The following GNG7 variants were observed in gnomAD, a reference collection of about 807,000 sequenced individuals.
The protein encoded by GNG7 is guanine nucleotide-binding protein G(I)/G(S)/G(O) subunit gamma-7.
In GNG7, 1 loss-of-function variant was observed where a neutral mutation model predicts 4.0. That is an observed-to-expected ratio of 0.25 (90% CI 0.09 to 1.18). The LOEUF (loss-of-function observed/expected upper bound fraction) is 1.18. Ranked by LOEUF, GNG7 falls within the 50% of genes most tolerant of loss-of-function variation. The pLI is 0.50. For missense variants in GNG7, 86 were observed against 91.9 expected (o/e 0.94, Z 0.26); for synonymous variants, 34 against 36.9 (o/e 0.92, Z 0.29).
intron 2 of GNG7, among the ~76,000 whole-genome samples, chr19:2,586,256 T>C (rs994143968): frequency 7.9e-5 from 12 of 152,282 alleles, no homozygotes; most frequent in African/African-American, 2.9e-4. Flanking sequence ...CCTCCAGCTT[T>C]GCCCGCCCCA....
At chr19:2,600,002 A>T (rs926775280) in intron 2 of GNG7, among the ~76,000 whole-genome samples, 4 of 152,060 alleles carry the variant, frequency 2.6e-5, no homozygotes, top group Non-Finnish European at 5.9e-5. Flanking sequence ...AAACCACTGA[A>T]TTGTACACTT....
chr19:2,514,875 G>A lies in GNG7; in HGVS notation c.*147C>T. 1.5e-6 allele frequency: 1 copy of A among 663,648 alleles called. No individual in the cohort carries two copies. The highest frequency in any genetic ancestry group is 2.5e-6 in the Non-Finnish European group (1 of 396,292). The allele number at this position is 663,648 out of a possible 1,614,324, so 41.1% of individuals were successfully genotyped here. A position where few individuals can be genotyped will look rare whatever the true frequency, so the allele number is the denominator to read the frequency against. On this transcript the variant is annotated 3_prime_UTR_variant, in exon 5 of 5. Transcript: ENST00000382159. ...AACGCCTTTTTTGGCGGGGAGAGGGGGGATTTCTTTTGGAATTAAAGGTTT... is the reference window on the plus strand; with the variant it reads ...AACGCCTTTTTTGGCGGGGAGAGGGAGGATTTCTTTTGGAATTAAAGGTTT...
intron 2 of GNG7, among the ~76,000 whole-genome samples, chr19:2,568,160 CATACAT>C (rs1452719342): frequency 7.3e-6 from 1 of 137,142 alleles, no homozygotes; most frequent in African/African-American, 3.5e-5. Context: ...CACACATACA[CATACAT>C]ACACACACAT....
chr19:2,579,534 T>C (rs1251149329), intron 2 of GNG7, among the ~76,000 whole-genome samples: 6 of 152,182 alleles, frequency 3.9e-5, no homozygotes, highest in Non-Finnish European at 8.8e-5. Flanking sequence ...CCTTGAGCGT[T>C]TTCCTCTGAG....
chr19:2,579,986 C>A (rs1980454825), intron 2 of GNG7, among the ~76,000 whole-genome samples: 1 of 152,148 alleles, frequency 6.6e-6, no homozygotes, highest in African/African-American at 2.4e-5. Context: ...TGTCTCTCAG[C>A]TTGTGTCCTC....
At chr19:2,691,505 C>T (rs1403300429) in intron 1 of GNG7, among the ~76,000 whole-genome samples, 1 of 151,770 alleles carries the variant, frequency 6.6e-6, no homozygotes, top group Non-Finnish European at 1.5e-5. Flanking sequence ...GATTGCATCA[C>T]TACACTCCGG....
chr19:2,607,620 G>C (rs568382334), intron 2 of GNG7, among the ~76,000 whole-genome samples: 1 of 150,756 alleles, frequency 6.6e-6, no homozygotes, highest in Non-Finnish European at 1.5e-5. Flanking sequence ...TACATATTAG[G>C]ATGGGGCAAG....
chr19:2,654,119 C>T (rs1034669162), intron 1 of GNG7, among the ~76,000 whole-genome samples: 8 of 151,996 alleles, frequency 5.3e-5, no homozygotes, highest in African/African-American at 1.9e-4. Flanking sequence ...GGTCTCCATG[C>T]AGAGGAAGGT....
At chr19:2,656,752 CTA>C (rs1982986137) in intron 1 of GNG7, among the ~76,000 whole-genome samples, 2 of 152,190 alleles carry the variant, frequency 1.3e-5, no homozygotes, top group South Asian at 4.1e-4. Flanking sequence ...TTCTGGGCTC[CTA>C]CAGCACAGCT....
At chr19:2,595,875 C>T (rs996158089) in intron 2 of GNG7, among the ~76,000 whole-genome samples, 5 of 152,020 alleles carry the variant, frequency 3.3e-5, no homozygotes, top group Non-Finnish European at 4.4e-5. Context: ...AGTGGTTAGA[C>T]GACAATGACC....
intron 3 of GNG7, among the ~76,000 whole-genome samples, chr19:2,551,049 G>C (rs1427506617): frequency 1.3e-5 from 2 of 152,166 alleles, no homozygotes; most frequent in Non-Finnish European, 2.9e-5. Flanking sequence ...ACGGCACGTG[G>C]CCACATGGCT....
chr19:2,573,860 T>C (rs944658994), intron 2 of GNG7, among the ~76,000 whole-genome samples: 3 of 151,924 alleles, frequency 2.0e-5, no homozygotes, highest in Non-Finnish European at 2.9e-5. Flanking sequence ...AAACAAACAA[T>C]AAAAGTGGGA....
Position 2,692,371 on chromosome 19 carries a change from C to T in GNG7, c.-135+10275G>A, listed in dbSNP as rs545817301. 7.2e-5 allele frequency among the ~76,000 whole-genome samples: 11 copies of T among 152,020 alleles called. 2 individuals carry two copies. Among genetic ancestry groups the T allele is most frequent in the African/African-American group, 2.7e-4 (11 of 41,398 alleles). ...CCAGGGGAGGCCGGGCGCGGTGGCT[C>T]ACGCCTGTAATCCCAGCACTTTGGG... On this transcript the variant is annotated intron_variant, in intron 1 of 4. Transcript: ENST00000382159.
chr19:2,567,595 G>A (rs1599395267), intron 2 of GNG7, among the ~76,000 whole-genome samples: 1 of 152,106 alleles, frequency 6.6e-6, no homozygotes, highest in Non-Finnish European at 1.5e-5. Flanking sequence ...CAAAGTGCTG[G>A]GATTGCAAGC....
rs535480666 is a variant in GNG7 at position 2,673,245 on chromosome 19, G to C, written c.-134-26965C>G. On this transcript the variant is annotated intron_variant, in intron 1 of 4. Coordinates refer to ENST00000382159, the MANE Select transcript of GNG7 (RefSeq NM_052847.3). ...TGCACTCCAGCCTGGGTGACAGAGCGAGATTCCATCTCAAAAAAAAAACAA... is the reference window on the plus strand; with the variant it reads ...TGCACTCCAGCCTGGGTGACAGAGCCAGATTCCATCTCAAAAAAAAAACAA... Among the ~76,000 whole-genome samples the C allele has an allele frequency of 1.4e-4, 19 of 138,008 alleles. No homozygotes were observed. The South Asian group carries it at 4.4e-3, about 32-fold the overall frequency. The allele number at this position is 138,008 out of a possible 152,430, so 90.5% of individuals were successfully genotyped here. A position where few individuals can be genotyped will look rare whatever the true frequency, so the allele number is the denominator to read the frequency against.
At chr19:2,533,232 TATATTAAATATTA>T in intron 3 of GNG7, among the ~76,000 whole-genome samples, 1 of 148,464 alleles carries the variant, frequency 6.7e-6, no homozygotes, top group Non-Finnish European at 1.5e-5. Flanking sequence ...TTAATATTAA[TATATTAAATATTA>T]ATATTAAATA....
intron 2 of GNG7, among the ~76,000 whole-genome samples, chr19:2,605,962 C>G (rs551843830): frequency 1.3e-5 from 2 of 152,148 alleles, no homozygotes; most frequent in South Asian, 4.1e-4. Context: ...CATTTAGGAG[C>G]CAATATCTTT....
chr19:2,659,696 G>A (rs1171858568), intron 1 of GNG7, among the ~76,000 whole-genome samples: 1 of 144,480 alleles, frequency 6.9e-6, no homozygotes, highest in Non-Finnish European at 1.5e-5. Flanking sequence ...GGAAAACAGA[G>A]TGAGAGGGAG....
intron 2 of GNG7, among the ~76,000 whole-genome samples, chr19:2,638,237 C>T (rs977649391): frequency 6.6e-6 from 1 of 150,972 alleles, no homozygotes; most frequent in African/African-American, 2.4e-5. Context: ...GTGGCATGCA[C>T]CTGTAATCCC....
Sources: allele counts gnomAD v4.1 joint callset (sites outside exome capture counted in the v4.1 genomes callset), GRCh38; gene constraint gnomAD v4.1.1; transcripts MANE v1.5; gene names NCBI Gene and HGNC (gene_info 2026-07-23, HGNC 2026-07-21).